The following CUX2 variants were observed in gnomAD, a reference collection of about 807,000 sequenced individuals.
CUX2 encodes the protein homeobox protein cut-like 2.
A neutral mutation model predicts 144.8 loss-of-function variants in CUX2; 40 were observed. The ratio of observed to expected loss-of-function variants is 0.28; its 90% CI spans 0.21 to 0.36. CUX2 has a LOEUF of 0.36. CUX2 is among the 10% of genes least tolerant of loss of function. The pLI is 1.00. For synonymous variants in CUX2, 827 were observed against 875.6 expected (o/e 0.94, Z 0.98); for missense variants, 1,615 against 1,994.0 (o/e 0.81, Z 3.62).
intron 1 of CUX2, among the ~76,000 whole-genome samples, chr12:111,121,072 A>G (rs1874626479): frequency 6.6e-6 from 1 of 150,874 alleles, no homozygotes; most frequent in Admixed American, 6.6e-5. Context: ...TATTTCAGAC[A>G]TAAGCAAATT....
At position 111,307,120 on chromosome 12, in the gene CUX2, C is replaced by T. The variant is rs1195632569; in HGVS notation, c.1050+8C>T. ...AAGTCCGAGGCCATAGAAGTGGGTCCTGGGGAGGAGGCAGGCGGGCAGGCG... is the reference window on the plus strand; with the variant it reads ...AAGTCCGAGGCCATAGAAGTGGGTCTTGGGGAGGAGGCAGGCGGGCAGGCG... On this transcript the variant is annotated splice_region_variant and intron_variant, in intron 11 of 21. Coordinates refer to ENST00000261726, the MANE Select transcript of CUX2 (RefSeq NM_015267.4). This position sits in a 1 kb window ranked among gnomAD's most constrained non-coding sequence, Gnocchi z 4.1. The T allele has an allele frequency of 6.2e-7, 1 of 1,613,378 alleles. No individual in the cohort carries two copies. The highest frequency in any genetic ancestry group is 8.5e-7 in the Non-Finnish European group (1 of 1,179,632).
At chr12:111,221,575 T>C (rs1881860367) in intron 3 of CUX2, among the ~76,000 whole-genome samples, 1 of 152,140 alleles carries the variant, frequency 6.6e-6, no homozygotes, top group African/African-American at 2.4e-5. Context: ...CAGGGCAGAA[T>C]ATCATGCCCG....
At chr12:111,240,306 G>C (rs1882960078) in intron 3 of CUX2, among the ~76,000 whole-genome samples, 1 of 152,212 alleles carries the variant, frequency 6.6e-6, no homozygotes, top group South Asian at 2.1e-4. Context: ...GAACCAAGGT[G>C]GGTGCTTCCC....
chr12:111,129,692 G>A (rs7314904), intron 1 of CUX2, among the ~76,000 whole-genome samples: 16,035 of 152,172 alleles, frequency 0.11, 1,253 homozygotes, highest in African/African-American at 0.22. Flanking sequence ...GCTAATCTCT[G>A]CCAGCCCTCT....
chr12:111,144,306 T>C (rs1322298464), intron 1 of CUX2, among the ~76,000 whole-genome samples: 25 of 152,212 alleles, frequency 1.6e-4, no homozygotes, highest in Admixed American at 1.6e-3. Flanking sequence ...TCTCAACCTT[T>C]CAGGACCCCC....
chr12:111,226,825 G>A (rs1031256557), intron 3 of CUX2, among the ~76,000 whole-genome samples: 30 of 152,174 alleles, frequency 2.0e-4, no homozygotes, highest in Admixed American at 1.9e-3. Context: ...TAACATTCCC[G>A]CACATTTAAC....
intron 1 of CUX2, among the ~76,000 whole-genome samples, chr12:111,196,663 T>C (rs1880259613): frequency 6.6e-6 from 1 of 152,166 alleles, no homozygotes; most frequent in Non-Finnish European, 1.5e-5. Context: ...GTAGATGATA[T>C]ATATCTGAAC....
chr12:111,105,862 G>A (rs1351480714), intron 1 of CUX2, among the ~76,000 whole-genome samples: 2 of 147,252 alleles, frequency 1.4e-5, no homozygotes, highest in African/African-American at 5.2e-5. Flanking sequence ...CTAATAATGA[G>A]TCTTTTTTTT....
At chr12:111,156,920 A>ATT (rs1877414216) in intron 1 of CUX2, among the ~76,000 whole-genome samples, 2 of 140,674 alleles carry the variant, frequency 1.4e-5, no homozygotes, top group Non-Finnish European at 1.5e-5. Context: ...CAGGAGACGG[A>ATT]GACTGCAGTG....
At chr12:111,196,113 C>T (rs542378135) in intron 1 of CUX2, among the ~76,000 whole-genome samples, 79 of 152,206 alleles carry the variant, frequency 5.2e-4, no homozygotes, top group Non-Finnish European at 7.8e-4. Context: ...ATTATACAAT[C>T]TGTGGTCTTT....
chr12:111,232,162 C>T (rs952608603), intron 3 of CUX2, among the ~76,000 whole-genome samples: 9 of 151,726 alleles, frequency 5.9e-5, no homozygotes, highest in African/African-American at 1.5e-4. Flanking sequence ...GCCGAGATCG[C>T]GCCACTGCAC....
At chr12:111,099,276 A>T (rs1046712075) in intron 1 of CUX2, among the ~76,000 whole-genome samples, 27 of 152,192 alleles carry the variant, frequency 1.8e-4, no homozygotes, top group African/African-American at 6.5e-4. Flanking sequence ...TGTGCAAATC[A>T]CTGTTCAGAG....
chr12:111,094,533 C>A (rs377614554), intron 1 of CUX2, among the ~76,000 whole-genome samples: 1 of 152,186 alleles, frequency 6.6e-6, no homozygotes, highest in Admixed American at 6.5e-5. Flanking sequence ...GGGTCTTGCT[C>A]GGTTGCCCAG....
At chr12:111,292,663 C>T (rs569862043) in intron 5 of CUX2, among the ~76,000 whole-genome samples, 2 of 152,256 alleles carry the variant, frequency 1.3e-5, no homozygotes, top group East Asian at 3.9e-4. Context: ...ATGTACGATT[C>T]TGTTGGTGTG....
intron 1 of CUX2, among the ~76,000 whole-genome samples, chr12:111,098,165 C>T (rs541327242): frequency 3.9e-5 from 6 of 152,030 alleles, no homozygotes; most frequent in South Asian, 2.1e-4. Context: ...CTTGGGAGGC[C>T]GAGGCAAGTG....
chr12:111,136,045 C>T (rs529116938), intron 1 of CUX2, among the ~76,000 whole-genome samples: 1 of 152,186 alleles, frequency 6.6e-6, no homozygotes, highest in East Asian at 1.9e-4. Flanking sequence ...GGACTTCAGC[C>T]TTTGCTCTGA....
chr12:111,046,525 C>T (rs1291267033), intron 1 of CUX2, among the ~76,000 whole-genome samples: 1 of 152,196 alleles, frequency 6.6e-6, no homozygotes, highest in Non-Finnish European at 1.5e-5. Context: ...GGGCTGTTGG[C>T]CACCCGTGTT....
At position 111,035,441 on chromosome 12, in the gene CUX2, G is replaced by C. The variant is rs1314406258; in HGVS notation, c.63+1201G>C. On this transcript the variant is annotated intron_variant, in intron 1 of 21. Transcript: ENST00000261726. The surrounding 1 kb of genome is among the most constrained non-coding windows in gnomAD (Gnocchi z 6.0). Reference sequence around the variant, plus strand: ...CTCTGTTCTTTCCCGGAGTGCCCCGGACGCGCCTGGCAAGGCCCCCCAGCC... The same window carrying C: ...CTCTGTTCTTTCCCGGAGTGCCCCGCACGCGCCTGGCAAGGCCCCCCAGCC... Among the ~76,000 whole-genome samples, 3 of 152,008 alleles carry C rather than the reference G, an allele frequency of 2.0e-5. No individual in the cohort carries two copies. Among genetic ancestry groups the C allele is most frequent in the Non-Finnish European group, 4.4e-5 (3 of 68,012 alleles).
chr12:111,141,694 T>G (rs1224658978), intron 1 of CUX2, among the ~76,000 whole-genome samples: 1 of 152,180 alleles, frequency 6.6e-6, no homozygotes, highest in Non-Finnish European at 1.5e-5. Context: ...TCCCAAGTCA[T>G]GTGTCCCCCA....
Sources: gnomAD v4.1 joint callset for allele counts (sites outside exome capture counted in the v4.1 genomes callset) on GRCh38, gnomAD v4.1.1 for gene constraint, Gnocchi (gnomAD v3.1) non-coding constraint, MANE v1.5 for transcripts, NCBI Gene and HGNC (gene_info 2026-07-23, HGNC 2026-07-21) for gene names.